Variants in SLC71A1 observed in about 807,000 individuals in gnomAD.
The protein encoded by SLC71A1 is hippocampus abundant gene transcript 1.
At chr1:100,069,101 T>C in the SLC71A1 span, among the ~76,000 whole-genome samples, 1 of 152,332 alleles carries the variant, frequency 6.6e-6, no homozygotes, top group South Asian at 2.1e-4. Context: ...TTTGGTATAT[T>C]AAGATATTTG....
the SLC71A1 span, among the ~76,000 whole-genome samples, chr1:100,081,203 G>A: frequency 1.3e-5 from 2 of 152,092 alleles, no homozygotes; most frequent in African/African-American, 4.8e-5. Flanking sequence ...GGCAGTGCAA[G>A]CTTCTGCTAA....
chr1:100,052,145 G>C, the SLC71A1 span, among the ~76,000 whole-genome samples: 1 of 152,134 alleles, frequency 6.6e-6, no homozygotes. Context: ...TAGCTAAGTA[G>C]GGTGATCAAA....
the SLC71A1 span, among the ~76,000 whole-genome samples, chr1:100,068,920 C>T: frequency 2.0e-5 from 3 of 151,982 alleles, no homozygotes; most frequent in Non-Finnish European, 4.4e-5. Context: ...GAGGCGGAGG[C>T]TGCAGTGAGC....
At chr1:100,064,564 C>T in the SLC71A1 span, among the ~76,000 whole-genome samples, 1 of 152,192 alleles carries the variant, frequency 6.6e-6, no homozygotes, top group African/African-American at 2.4e-5. Flanking sequence ...AAGCAACCAA[C>T]AATTTAGCTT....
chr1:100,072,241 C>T, the SLC71A1 span, among the ~76,000 whole-genome samples: 1 of 152,342 alleles, frequency 6.6e-6, no homozygotes, highest in African/African-American at 2.4e-5. Context: ...TCTCCCTCCT[C>T]TCCAGCAGCA....
At chr1:100,081,458 A>G in the SLC71A1 span, among the ~76,000 whole-genome samples, 24 of 152,210 alleles carry the variant, frequency 1.6e-4, no homozygotes, top group East Asian at 3.7e-3. Flanking sequence ...TGCAACCTCT[A>G]TCTCCCAAGT....
At chr1:100,058,801 A>G in the SLC71A1 span, 2 of 760,892 alleles carry the variant, frequency 2.6e-6, no homozygotes, top group East Asian at 5.2e-5. Flanking sequence ...GAACATACAT[A>G]AATACATATA....
chr1:100,067,632 G>A, the SLC71A1 span, among the ~76,000 whole-genome samples: 1 of 152,042 alleles, frequency 6.6e-6, no homozygotes, highest in African/African-American at 2.4e-5. Context: ...GCAACATAGC[G>A]TGACTTCCAC....
chr1:100,075,201 C>A, the SLC71A1 span, among the ~76,000 whole-genome samples: 2 of 152,254 alleles, frequency 1.3e-5, no homozygotes, highest in African/African-American at 4.8e-5. Context: ...CTGGCCCATG[C>A]CATCCTGTTC....
At chr1:100,080,758 G>C in the SLC71A1 span, 2 of 1,038,100 alleles carry the variant, frequency 1.9e-6, no homozygotes, top group Admixed American at 2.3e-5. Context: ...GATTCTATTT[G>C]AGATTGGATA....
At chr1:100,082,229 T>C in the SLC71A1 span, 1 of 1,599,090 alleles carries the variant, frequency 6.3e-7, no homozygotes, top group Non-Finnish European at 8.6e-7. Flanking sequence ...TCAGGAAGAT[T>C]TTTCTATCAG....
the SLC71A1 span, among the ~76,000 whole-genome samples, chr1:100,051,560 T>C: frequency 2.0e-5 from 3 of 152,090 alleles, no homozygotes; most frequent in African/African-American, 7.2e-5. Flanking sequence ...ATTTGGAACT[T>C]CCTCAGATGA....
the SLC71A1 span, among the ~76,000 whole-genome samples, chr1:100,060,553 CT>C: frequency 4.6e-5 from 7 of 152,108 alleles, no homozygotes; most frequent in African/African-American, 1.7e-4. Context: ...AAAGTGGCTT[CT>C]TGAGCTCTAG....
chr1:100,047,711 T>C, the SLC71A1 span, among the ~76,000 whole-genome samples: 1 of 152,276 alleles, frequency 6.6e-6, no homozygotes, highest in South Asian at 2.1e-4. Flanking sequence ...TGAGAGCCAC[T>C]GCGCCCGGCC....
chr1:100,054,412 C>T, the SLC71A1 span, among the ~76,000 whole-genome samples: 2 of 151,928 alleles, frequency 1.3e-5, no homozygotes, highest in South Asian at 2.1e-4. Flanking sequence ...GGGGTTTTAC[C>T]ATCTTGGTCA....
At chr1:100,049,021 C>T in the SLC71A1 span, among the ~76,000 whole-genome samples, 5 of 152,156 alleles carry the variant, frequency 3.3e-5, no homozygotes, top group Non-Finnish European at 5.9e-5. Context: ...TAATCCGTTC[C>T]CTCCCCTCCA....
the SLC71A1 span, among the ~76,000 whole-genome samples, chr1:100,065,806 T>C: frequency 1.3e-5 from 2 of 150,738 alleles, no homozygotes; most frequent in Non-Finnish European, 2.9e-5. Flanking sequence ...TCTTCTCTCC[T>C]CTCCTCTTCT....
chr1:100,040,702 C>G, the SLC71A1 span, among the ~76,000 whole-genome samples: 1 of 152,194 alleles, frequency 6.6e-6, no homozygotes, highest in Non-Finnish European at 1.5e-5. Flanking sequence ...CCTCATGATT[C>G]ACCCACCTTG....
the SLC71A1 span, chr1:100,082,094 A>G: frequency 1.9e-6 from 3 of 1,614,052 alleles, no homozygotes; most frequent in Non-Finnish European, 2.5e-6. Context: ...GAACATACCA[A>G]TTTAAGCTTA....
Sources: allele counts gnomAD v4.1 joint callset (sites outside exome capture counted in the v4.1 genomes callset), GRCh38; gene constraint gnomAD v4.1.1; transcripts MANE v1.5; gene names NCBI Gene and HGNC (gene_info 2026-07-23, HGNC 2026-07-21).